GTSE1: variants seen among roughly 807,000 people sequenced by gnomAD.
GTSE1 encodes the protein G2 and S-phase expressed 1.
In GTSE1, 52 loss-of-function variants were observed where a neutral mutation model predicts 60.5. The observed-to-expected ratio is 0.86, with a 90% CI of 0.69 to 1.08. GTSE1 has a LOEUF of 1.08. GTSE1 is among the 50% of genes least tolerant of loss of function. GTSE1 has a pLI of 0.00. For synonymous variants in GTSE1, 368 were observed against 386.5 expected, an observed-to-expected ratio of 0.95 and a Z score of 0.56; for missense variants, 937 against 961.8, an observed-to-expected ratio of 0.97 and a Z score of 0.34.
At chr22:46,323,154 C>T in intron 7 of GTSE1, 36 bp from the exon 8 acceptor site, 1 of 1,467,488 alleles carries the variant, frequency 6.8e-7, no homozygotes. Context: ...CCCCTGATCA[C>T]TTTACCTGAC....
In GTSE1 at chr22:46,309,663, C is replaced by G. The variant is rs549860185; in HGVS notation, c.762+720C>G. On this transcript the variant is annotated intron_variant, in intron 4 of 11. Transcript: ENST00000454366. The surrounding 1 kb of genome is among the most constrained non-coding windows in gnomAD (Gnocchi z 6.2). ...AAGGGCCCAGAAATTCCTTTACCCC[C>G]ACCAAGCCCATCTCCTGAGCCACAT... 6.6e-6 allele frequency among the ~76,000 whole-genome samples: 1 copy of G among 152,292 alleles called. No homozygotes were observed. The highest frequency in any genetic ancestry group is 2.1e-4 in the South Asian group (1 of 4,824).
At chr22:46,327,989 G>A (rs1273928794) in intron 9 of GTSE1, among the ~76,000 whole-genome samples, 1 of 152,234 alleles carries the variant, frequency 6.6e-6, no homozygotes, top group Non-Finnish European at 1.5e-5. Context: ...GTTTGTAAGT[G>A]TAAATGTAGA....
chr22:46,300,025 A>G (rs2077680587), intron 2 of GTSE1, among the ~76,000 whole-genome samples: 1 of 145,552 alleles, frequency 6.9e-6, no homozygotes, highest in African/African-American at 2.6e-5. Context: ...GGATGGTCTC[A>G]ATCTCCTGAC....
At chr22:46,299,799 T>C (rs1411066115) in intron 2 of GTSE1, among the ~76,000 whole-genome samples, 5 of 151,704 alleles carry the variant, frequency 3.3e-5, no homozygotes, top group Non-Finnish European at 7.4e-5. Flanking sequence ...TTTTTCTTTT[T>C]CTTTTTTTTT....
At position 46,318,587 on chromosome 22, in the gene GTSE1, A is replaced by G. The variant is rs951022651; in HGVS notation, c.1432+2175A>G. Among the ~76,000 whole-genome samples, 2 of 152,264 alleles carry G rather than the reference A, an allele frequency of 1.3e-5. No homozygotes were observed. Among genetic ancestry groups the G allele is most frequent in the Non-Finnish European group, 2.9e-5 (2 of 68,024 alleles). ...ATTTGCATCGGGTGGTTCTTTGGCAAAGATGGTCAGGAGGTGACACGGGAC... is the reference window on the plus strand; with the variant it reads ...ATTTGCATCGGGTGGTTCTTTGGCAGAGATGGTCAGGAGGTGACACGGGAC... On this transcript the variant is annotated intron_variant, in intron 7 of 11. Coordinates refer to ENST00000454366, the MANE Select transcript of GTSE1 (RefSeq NM_016426.7). The surrounding 1 kb of genome is among the most constrained non-coding windows in gnomAD (Gnocchi z 4.8).
rs2077800167 is a variant in GTSE1 at position 46,319,506 on chromosome 22, C to T, written c.1432+3094C>T. Among the ~76,000 whole-genome samples, 1 of 152,112 alleles carries T rather than the reference C, an allele frequency of 6.6e-6. No individual in the cohort carries two copies. ...AGGTTCTGGCGGAACCTGGGTGCTGCCACTCATGTGACAGGAGGGCTGGAA... is the reference window on the plus strand; with the variant it reads ...AGGTTCTGGCGGAACCTGGGTGCTGTCACTCATGTGACAGGAGGGCTGGAA... On this transcript the variant is annotated intron_variant, in intron 7 of 11. Transcript: ENST00000454366. The surrounding 1 kb of genome is among the most constrained non-coding windows in gnomAD (Gnocchi z 5.0).
intron 2 of GTSE1, among the ~76,000 whole-genome samples, chr22:46,302,934 C>G (rs1482991837): frequency 2.9e-5 from 4 of 136,542 alleles, no homozygotes; most frequent in African/African-American, 1.1e-4. Context: ...GAGTCTTGCT[C>G]TGTCACCCAG....
chr22:46,329,183 A>G lies in GTSE1; in HGVS notation c.1927-175A>G, dbSNP rs1333805288. The G allele has an allele frequency of 3.0e-6, 2 of 676,940 alleles. No individual in the cohort carries two copies. Among genetic ancestry groups the G allele is most frequent in the Middle Eastern group, 4.1e-4 (1 of 2,414 alleles). The allele number at this position is 676,940 out of a possible 1,614,324, so 41.9% of individuals were successfully genotyped here. ...GCGGGTATGGACAGGGAGGTGGGCAACAGTCAGAGAGGCACGGCCCACCCC... is the reference window on the plus strand; with the variant it reads ...GCGGGTATGGACAGGGAGGTGGGCAGCAGTCAGAGAGGCACGGCCCACCCC... On this transcript the variant is annotated intron_variant, in intron 10 of 11. Transcript: ENST00000454366. This position sits in a 1 kb window ranked among gnomAD's most constrained non-coding sequence, Gnocchi z 6.4.
Position 46,312,250 on chromosome 22 carries a change from C to T in GTSE1, c.872C>T (p.Pro291Leu), listed in dbSNP as rs375573110. ...CCTGCCCCGGGTGCTGTCAATGTGC[C>T]GGCCGCCGGAAGCCACTTGGGCCAG... The part of the protein sequence containing the change: ...DKPAPGAVNV[P>L]AAGSHLGQGK... Residue 291 changes from proline (P) to leucine (L), a missense_variant, in exon 5 of 12, where the codon CCG becomes CTG. Physicochemically the swap from Pro to Leu is moderately conservative, Grantham distance 98. Transcript: ENST00000454366. 3.8e-5 allele frequency: 61 copies of T among 1,613,904 alleles called. No homozygotes were observed. Among genetic ancestry groups the T allele is most frequent in the South Asian group, 1.8e-4 (16 of 91,078 alleles).
In GTSE1 at chr22:46,309,741, C is replaced by T. The variant is rs190875608; in HGVS notation, c.762+798C>T. Among the ~76,000 whole-genome samples the T allele has an allele frequency of 9.2e-5, 14 of 152,312 alleles. No homozygotes were observed. Among genetic ancestry groups the T allele is most frequent in the African/African-American group, 1.7e-4 (7 of 41,566 alleles). On this transcript the variant is annotated intron_variant, in intron 4 of 11. Transcript: ENST00000454366. The surrounding 1 kb of genome is among the most constrained non-coding windows in gnomAD (Gnocchi z 6.2). ...GAAGGCAGCCGAGGTGCAGCCGCCA[C>T]GCCACACACTGCCCTTGACAAGGAG... is the stretch of plus-strand genomic sequence containing the variant.
chr22:46,317,023 G>A lies in GTSE1; in HGVS notation c.1432+611G>A, dbSNP rs191686051. On this transcript the variant is annotated intron_variant, in intron 7 of 11. Transcript: ENST00000454366. This position sits in a 1 kb window ranked among gnomAD's most constrained non-coding sequence, Gnocchi z 5.6. ...GTCACCCAGGGTGGAATGCAGTGGC[G>A]CGATCTCAGCGCACTGTAACCTCCA... is the stretch of plus-strand genomic sequence containing the variant. 3.3e-5 allele frequency among the ~76,000 whole-genome samples: 5 copies of A among 151,558 alleles called. No homozygotes were observed. In the East Asian group the frequency reaches 5.8e-4, roughly 18 times the overall value.
chr22:46,298,411 G>A lies in GTSE1; in HGVS notation c.79+932G>A, dbSNP rs555570610. Among the ~76,000 whole-genome samples, 8 of 151,172 alleles carry A rather than the reference G, an allele frequency of 5.3e-5. No individual in the cohort carries two copies. The East Asian group carries it at 1.4e-3, about 26-fold the overall frequency. ...CAACCTCTGCCTTTCGGGTTCAAGC[G>A]ATTCTCCTGCCTCAGCCTCCCGAGT... On this transcript the variant is annotated intron_variant, in intron 2 of 11. Coordinates refer to ENST00000454366, the MANE Select transcript of GTSE1 (RefSeq NM_016426.7).
rs1430561646 is a variant in GTSE1 at position 46,314,402 on chromosome 22, G to T, written c.1051+389G>T. ...CTCCTGGGTGCCTGTTTAAATCCAT[G>T]CTCCCACACCTGTTTGAGGTCAAGC... is the stretch of plus-strand genomic sequence containing the variant. On this transcript the variant is annotated intron_variant, in intron 6 of 11. Transcript: ENST00000454366. The surrounding 1 kb of genome is among the most constrained non-coding windows in gnomAD (Gnocchi z 7.1). Among the ~76,000 whole-genome samples the T allele has an allele frequency of 6.6e-6, 1 of 152,168 alleles. No homozygotes were observed. Among genetic ancestry groups the T allele is most frequent in the Non-Finnish European group, 1.5e-5 (1 of 68,038 alleles).
chr22:46,311,479 A>G (rs2077748536), intron 4 of GTSE1, among the ~76,000 whole-genome samples: 1 of 152,248 alleles, frequency 6.6e-6, no homozygotes. Context: ...TATACTGTTT[A>G]AAATAGTGAA....
At position 46,297,379 on chromosome 22, in the gene GTSE1, G is replaced by C; in HGVS notation, c.-21-1G>C. The C allele has an allele frequency of 6.3e-7, 1 of 1,585,328 alleles. No individual in the cohort carries two copies. The highest frequency in any genetic ancestry group is 8.7e-7 in the Non-Finnish European group (1 of 1,153,912). On this transcript the variant is annotated splice_acceptor_variant, in intron 1 of 11. Coordinates refer to ENST00000454366, the MANE Select transcript of GTSE1 (RefSeq NM_016426.7). LOFTEE classifies it low-confidence loss of function (5UTR_SPLICE). This position sits in a 1 kb window ranked among gnomAD's most constrained non-coding sequence, Gnocchi z 4.9. ...CTTTCTGGCCCCGTTCCACCCTGCA[G>C]TGACTTCTGACAGCTCTCTCCATGG...
Position 46,326,424 on chromosome 22 carries a change from T to A in GTSE1, c.1506-12T>A. ...TCATCTCAGCTCACGACACTGATGT[T>A]GTGTTTGCCAGGGTCACTGTCCACA... On this transcript the variant is annotated splice_polypyrimidine_tract_variant and intron_variant, in intron 8 of 11. Coordinates refer to ENST00000454366, the MANE Select transcript of GTSE1 (RefSeq NM_016426.7). 2 of 1,588,054 alleles carry A rather than the reference T, an allele frequency of 1.3e-6. No homozygotes were observed. Among genetic ancestry groups the A allele is most frequent in the Non-Finnish European group, 1.7e-6 (2 of 1,159,750 alleles).
Position 46,321,885 on chromosome 22 carries a change from C to A in GTSE1, c.1433-1305C>A, listed in dbSNP as rs1396101142. Among the ~76,000 whole-genome samples the A allele has an allele frequency of 1.6e-4, 24 of 152,004 alleles. 1 individual carries two copies. The highest frequency in any genetic ancestry group is 1.6e-3 in the Admixed American group (24 of 15,252). ...GGTCAGGAGTTCAAGACCAGCCTGG[C>A]CAACATGGCAAAACCCTGTCTCTAC... is the stretch of plus-strand genomic sequence containing the variant. On this transcript the variant is annotated intron_variant, in intron 7 of 11. Transcript: ENST00000454366. The surrounding 1 kb of genome is among the most constrained non-coding windows in gnomAD (Gnocchi z 4.0).
At chr22:46,327,914 C>T (rs968632662) in intron 9 of GTSE1, among the ~76,000 whole-genome samples, 1 of 152,076 alleles carries the variant, frequency 6.6e-6, no homozygotes, top group Non-Finnish European at 1.5e-5. Context: ...AAATGAGAAA[C>T]AAGGCCTCAC....
In GTSE1 at chr22:46,320,284, C is replaced by T. The variant is rs527797560; in HGVS notation, c.1433-2906C>T. On this transcript the variant is annotated intron_variant, in intron 7 of 11. Transcript: ENST00000454366. The surrounding 1 kb of genome is among the most constrained non-coding windows in gnomAD (Gnocchi z 7.1). ...GTGTCCCTGCGGTCTCCTTACGCAC[C>T]TCTCAGATGTGCATTTCACCTTCGG... 5.9e-5 allele frequency among the ~76,000 whole-genome samples: 9 copies of T among 152,352 alleles called. No homozygotes were observed. The South Asian group carries it at 1.2e-3, about 21-fold the overall frequency.
Sources: gnomAD v4.1 joint callset for allele counts (sites outside exome capture counted in the v4.1 genomes callset) on GRCh38, gnomAD v4.1.1 for gene constraint, Gnocchi (gnomAD v3.1) non-coding constraint, MANE v1.5 for transcripts, NCBI Gene and HGNC (gene_info 2026-07-23, HGNC 2026-07-21) for gene names.